Variants in RARB observed in about 807,000 individuals in gnomAD.
RARB encodes the protein retinoic acid receptor beta.
RARB carries 17 observed loss-of-function variants against 51.9 expected under a neutral mutation model. The ratio of observed to expected loss-of-function variants is 0.33; its 90% CI spans 0.22 to 0.49. RARB has a LOEUF of 0.49. Among genes scored for constraint, RARB ranks in the 20% least tolerant of loss-of-function variants. The pLI is 0.99. For missense variants in RARB, 369 were observed against 550.8 expected, an observed-to-expected ratio of 0.67 and a Z score of 3.30; for synonymous variants, 215 against 195.4, an observed-to-expected ratio of 1.10 and a Z score of -0.84.
At chr3:25,174,629 C>G in intron 5 of RARB, 1 of 1,324,802 alleles carries the variant, frequency 7.5e-7, no homozygotes, top group South Asian at 1.2e-5. Flanking sequence ...GATGAAGGGA[C>G]CTGAGAAAAC....
intron 4 of RARB, among the ~76,000 whole-genome samples, chr3:25,156,659 G>A (rs564473862): frequency 1.3e-5 from 2 of 150,950 alleles, no homozygotes; most frequent in African/African-American, 2.4e-5. Flanking sequence ...AGATGCTCTC[G>A]TTCCTACAAC....
At chr3:24,989,774 CTTTTTTTTTTTTTTT>C (rs769275874) in intron 2 of RARB, among the ~76,000 whole-genome samples, 18 of 29,528 alleles carry the variant, frequency 6.1e-4, no homozygotes, top group Middle Eastern at 0.016. Flanking sequence ...ATATGTTTTT[CTTTTTTTTTTTTTTT>C]TTTTTTTTTT....
chr3:25,510,485 G>T (rs1212415623), intron 3 of RARB, among the ~76,000 whole-genome samples: 2 of 151,900 alleles, frequency 1.3e-5, no homozygotes, highest in Non-Finnish European at 2.9e-5. Context: ...AATTAGCCGG[G>T]CATGGTGGTG....
chr3:25,063,362 A>G (rs1181103047), intron 3 of RARB, among the ~76,000 whole-genome samples: 2 of 152,202 alleles, frequency 1.3e-5, no homozygotes, highest in Middle Eastern at 3.4e-3. Context: ...ATCAGATTTG[A>G]GACTCAGAGC....
chr3:25,485,105 T>C (rs1696398774), intron 2 of RARB, among the ~76,000 whole-genome samples: 1 of 152,238 alleles, frequency 6.6e-6, no homozygotes, highest in Non-Finnish European at 1.5e-5. Context: ...TTTCTTTTAC[T>C]GTCAAATTAA....
intron 5 of RARB, among the ~76,000 whole-genome samples, chr3:25,273,845 G>A (rs1703311237): frequency 6.6e-6 from 1 of 152,178 alleles, no homozygotes. Context: ...AAGGCATCCT[G>A]CTTTTAGCAA....
chr3:25,515,012 G>A (rs1487573784), intron 3 of RARB, among the ~76,000 whole-genome samples: 1 of 152,186 alleles, frequency 6.6e-6, no homozygotes, highest in African/African-American at 2.4e-5. Flanking sequence ...TCTAATGGAT[G>A]CAGTGAGTGA....
chr3:25,517,842 G>T (rs980651180), intron 3 of RARB, among the ~76,000 whole-genome samples: 1 of 152,062 alleles, frequency 6.6e-6, no homozygotes, highest in Non-Finnish European at 1.5e-5. Flanking sequence ...TATATGGTAC[G>T]ACATGGATGA....
chr3:25,142,809 C>T (rs186133817), intron 4 of RARB, among the ~76,000 whole-genome samples: 4 of 152,176 alleles, frequency 2.6e-5, no homozygotes, highest in South Asian at 2.1e-4. Context: ...AGTTTTACCT[C>T]GGGCTCTGTG....
At chr3:25,415,086 C>A (rs1707664092) in intron 5 of RARB, among the ~76,000 whole-genome samples, 2 of 152,202 alleles carry the variant, frequency 1.3e-5, no homozygotes. Context: ...AGGTGATCTA[C>A]CTGCCTCGGC....
chr3:25,510,942 G>A (rs148721655), intron 3 of RARB, among the ~76,000 whole-genome samples: 45 of 152,242 alleles, frequency 3.0e-4, no homozygotes, highest in Non-Finnish European at 5.3e-4. Context: ...TATTTCAGAT[G>A]TCTGCAAATT....
chr3:24,871,980 T>G (rs1702956983), intron 2 of RARB, among the ~76,000 whole-genome samples: 1 of 152,186 alleles, frequency 6.6e-6, no homozygotes, highest in African/African-American at 2.4e-5. Flanking sequence ...CTCTTGACTT[T>G]GAAAAGGGGC....
intron 2 of RARB, among the ~76,000 whole-genome samples, chr3:24,870,596 T>G (rs1702927851): frequency 6.6e-6 from 1 of 152,164 alleles, no homozygotes; most frequent in African/African-American, 2.4e-5. Flanking sequence ...CTTTAGAAAC[T>G]AATTATGTTA....
chr3:25,356,721 G>A (rs1705749762), intron 5 of RARB, among the ~76,000 whole-genome samples: 1 of 152,086 alleles, frequency 6.6e-6, no homozygotes, highest in African/African-American at 2.4e-5. Flanking sequence ...GGGCCCATAT[G>A]TTCTCATTGT....
chr3:24,947,250 A>T lies in RARB; in HGVS notation c.-380+88498A>T, dbSNP rs541404502. 9.8e-5 allele frequency among the ~76,000 whole-genome samples: 15 copies of T among 152,334 alleles called. No individual in the cohort carries two copies. The South Asian group carries it at 1.7e-3, about 17-fold the overall frequency. On this transcript the variant is annotated intron_variant, in intron 2 of 11. Transcript: ENST00000383772. ...ATGTCTTACTGAAAAATATGAATGT[A>T]CTGGGAAAAGTCATACGTGAACCTA...
chr3:25,196,970 C>G (rs1701257019), intron 5 of RARB, among the ~76,000 whole-genome samples: 1 of 151,882 alleles, frequency 6.6e-6, no homozygotes, highest in Non-Finnish European at 1.5e-5. Flanking sequence ...GATATTAGCC[C>G]TTTGTCAGAT....
chr3:25,534,223 G>C (rs1699043502), intron 3 of RARB, among the ~76,000 whole-genome samples: 1 of 152,170 alleles, frequency 6.6e-6, no homozygotes, highest in Non-Finnish European at 1.5e-5. Flanking sequence ...CTAAGACTTT[G>C]AGCAAATAAC....
chr3:25,034,265 G>A (rs565416753), intron 2 of RARB, among the ~76,000 whole-genome samples: 8 of 152,228 alleles, frequency 5.3e-5, no homozygotes, highest in South Asian at 2.1e-4. Flanking sequence ...AGTCAAGATC[G>A]CACCACTGCA....
At chr3:25,580,837 T>C in intron 5 of RARB, 115 bp downstream of exon 5, 5 of 1,182,050 alleles carry the variant, frequency 4.2e-6, no homozygotes, top group Non-Finnish European at 5.8e-6. Context: ...GAGTTTCGAC[T>C]CTAGCACTCA....
Sources: allele counts gnomAD v4.1 joint callset (sites outside exome capture counted in the v4.1 genomes callset), GRCh38; gene constraint gnomAD v4.1.1; transcripts MANE v1.5; gene names NCBI Gene and HGNC (gene_info 2026-07-23, HGNC 2026-07-21).